Variants in APBA1 observed in about 807,000 individuals in gnomAD.
APBA1 encodes the protein amyloid-beta A4 precursor protein-binding family A member 1.
APBA1 carries 55 observed loss-of-function variants against 86.6 expected under a neutral mutation model. The observed-to-expected ratio is 0.64, with a 90% CI of 0.51 to 0.80. APBA1 has a LOEUF of 0.80. Among genes scored for constraint, APBA1 ranks in the 30% least tolerant of loss-of-function variants. APBA1 has a pLI of 0.00. For missense variants in APBA1, 1,090 were observed against 1,183.0 expected (o/e 0.92, Z 1.15); for synonymous variants, 511 against 493.9 (o/e 1.03, Z -0.46).
In APBA1 at chr9:69,556,635, G is replaced by A. The variant is rs540065144; in HGVS notation, c.-69-39356C>T. 3.9e-5 allele frequency among the ~76,000 whole-genome samples: 6 copies of A among 152,260 alleles called. No individual in the cohort carries two copies. The East Asian group carries it at 1.2e-3, about 29-fold the overall frequency. On this transcript the variant is annotated intron_variant, in intron 1 of 12. Transcript: ENST00000265381. The stretch of plus-strand genomic sequence containing the variant: ...GGGATGATGCCCAGTCTCAACAGTT[G>A]CTTTGGCTCTTTAATTATATTGTAA...
intron 1 of APBA1, among the ~76,000 whole-genome samples, chr9:69,618,167 C>T (rs1822742388): frequency 6.6e-6 from 1 of 152,134 alleles, no homozygotes; most frequent in Admixed American, 6.5e-5. Context: ...CATTTTAGTA[C>T]AGGTCCATAG....
At chr9:69,547,551 A>G (rs1836717517) in intron 1 of APBA1, among the ~76,000 whole-genome samples, 1 of 152,222 alleles carries the variant, frequency 6.6e-6, no homozygotes, top group African/African-American at 2.4e-5. Context: ...TACCCCAAAT[A>G]AAATCTGGGT....
At chr9:69,599,330 T>C (rs375641824) in intron 1 of APBA1, among the ~76,000 whole-genome samples, 15 of 152,354 alleles carry the variant, frequency 9.8e-5, no homozygotes, top group African/African-American at 3.1e-4. Context: ...TTTAACAACT[T>C]TGCAAATACT....
chr9:69,434,710 T>TAA (rs1564027206), intron 11 of APBA1, among the ~76,000 whole-genome samples: 12 of 148,354 alleles, frequency 8.1e-5, no homozygotes, highest in African/African-American at 2.0e-4. Context: ...CCATCTCAAT[T>TAA]TAAAAAAAAA....
chr9:69,655,000 G>T (rs1164554205), intron 1 of APBA1, among the ~76,000 whole-genome samples: 1 of 152,162 alleles, frequency 6.6e-6, no homozygotes, highest in East Asian at 1.9e-4. Flanking sequence ...TTGATAAAAT[G>T]TAACATCCTT....
At chr9:69,635,127 C>T (rs1012026724) in intron 1 of APBA1, among the ~76,000 whole-genome samples, 7 of 151,866 alleles carry the variant, frequency 4.6e-5, no homozygotes, top group Non-Finnish European at 1.0e-4. Flanking sequence ...AGTAGAAAGA[C>T]TAAAAGATAA....
intron 1 of APBA1, among the ~76,000 whole-genome samples, chr9:69,520,149 T>C (rs1335147533): frequency 6.6e-6 from 1 of 152,096 alleles, no homozygotes; most frequent in Non-Finnish European, 1.5e-5. Context: ...ACTTTGGGGG[T>C]TTCCCTAGGA....
intron 1 of APBA1, among the ~76,000 whole-genome samples, chr9:69,593,842 G>C (rs1488860862): frequency 6.6e-6 from 1 of 152,166 alleles, no homozygotes; most frequent in Non-Finnish European, 1.5e-5. Context: ...ATCCCTGAAA[G>C]ATTTGTTATT....
intron 1 of APBA1, among the ~76,000 whole-genome samples, chr9:69,569,007 G>A (rs1837074002): frequency 6.6e-6 from 1 of 152,200 alleles, no homozygotes; most frequent in African/African-American, 2.4e-5. Context: ...TCTGGCAGCA[G>A]AAAAGGATGC....
intron 1 of APBA1, among the ~76,000 whole-genome samples, chr9:69,607,344 A>G (rs1309647353): frequency 6.6e-6 from 1 of 152,168 alleles, no homozygotes; most frequent in Non-Finnish European, 1.5e-5. Context: ...TGTGAGACTT[A>G]TTCACTATCA....
intron 1 of APBA1, among the ~76,000 whole-genome samples, chr9:69,576,624 C>T (rs1459533403): frequency 1.3e-5 from 2 of 152,082 alleles, no homozygotes; most frequent in African/African-American, 4.8e-5. Flanking sequence ...CCAAACACCT[C>T]ATGTTCTCAC....
At chr9:69,486,026 AC>A (rs1835604527) in intron 2 of APBA1, among the ~76,000 whole-genome samples, 1 of 151,674 alleles carries the variant, frequency 6.6e-6, no homozygotes, top group Admixed American at 6.6e-5. Flanking sequence ...ATCTTGGCTC[AC>A]TGCAACCTCT....
At chr9:69,631,076 T>G (rs1383284578) in intron 1 of APBA1, among the ~76,000 whole-genome samples, 1 of 152,228 alleles carries the variant, frequency 6.6e-6, no homozygotes, top group Admixed American at 6.5e-5. Flanking sequence ...AAACGATTTA[T>G]CCTTCCCAAG....
rs530137482 is a variant in APBA1 at position 69,439,380 on chromosome 9, C to A, written c.2301+1616G>T. Among the ~76,000 whole-genome samples the A allele has an allele frequency of 6.4e-3, 968 of 151,586 alleles. 12 individuals carry two copies. Among genetic ancestry groups the A allele is most frequent in the African/African-American group, 0.021 (870 of 41,088 alleles). On this transcript the variant is annotated intron_variant, in intron 11 of 12. Coordinates refer to ENST00000265381, the MANE Select transcript of APBA1 (RefSeq NM_001163.4). ...TAATATCCTGCAGAGTGTTTTCCAA[C>A]TTGGTTCCATTCTCCCCGTCACTTT...
chr9:69,443,677 G>A lies in APBA1; in HGVS notation c.2182-2562C>T, dbSNP rs989861909. ...AGGAGCTGTCTCATTTAATGTGGCT[G>A]TAATTATTTCTATATTATAGAAGAG... On this transcript the variant is annotated intron_variant, in intron 10 of 12. Coordinates refer to ENST00000265381, the MANE Select transcript of APBA1 (RefSeq NM_001163.4). Among the ~76,000 whole-genome samples, 96 of 152,174 alleles carry A rather than the reference G, an allele frequency of 6.3e-4. 1 individual carries two copies. Among genetic ancestry groups the A allele is most frequent in the African/African-American group, 2.2e-3 (93 of 41,434 alleles).
chr9:69,469,827 T>A (rs1835337917), intron 4 of APBA1, among the ~76,000 whole-genome samples: 1 of 152,240 alleles, frequency 6.6e-6, no homozygotes, highest in African/African-American at 2.4e-5. Context: ...GGAAACATAA[T>A]CATTATTGCC....
At chr9:69,471,626 AG>A in intron 4 of APBA1, 29 bp downstream of exon 4, 1 of 1,595,760 alleles carries the variant, frequency 6.3e-7, no homozygotes, top group South Asian at 1.1e-5. Flanking sequence ...TGAATGACTC[AG>A]TGCTCAGTAT....
chr9:69,495,662 C>T (rs932178105), intron 2 of APBA1, among the ~76,000 whole-genome samples: 4 of 152,116 alleles, frequency 2.6e-5, no homozygotes, highest in African/African-American at 9.7e-5. Flanking sequence ...CTGGCAGCAG[C>T]ACCTACTATT....
intron 1 of APBA1, among the ~76,000 whole-genome samples, chr9:69,530,331 C>T (rs7869147): frequency 0.039 from 4,705 of 121,826 alleles, 81 homozygotes; most frequent in South Asian, 0.046. Context: ...TATATATATA[C>T]ACACACACAC....
Sources: gnomAD v4.1 joint callset for allele counts (sites outside exome capture counted in the v4.1 genomes callset) on GRCh38, gnomAD v4.1.1 for gene constraint, MANE v1.5 for transcripts, NCBI Gene and HGNC (gene_info 2026-07-23, HGNC 2026-07-21) for gene names.